DCLK3: variants seen among roughly 807,000 people sequenced by gnomAD.
The protein encoded by DCLK3 is serine/threonine-protein kinase DCLK3.
Under a neutral mutation model 46.4 loss-of-function variants are expected in DCLK3, and 30 were observed. That is an observed-to-expected ratio of 0.65 (90% CI 0.48 to 0.88). DCLK3 has a LOEUF of 0.88. DCLK3 is among the 40% of genes least tolerant of loss of function. The pLI is 0.00. For synonymous variants in DCLK3, 401 were observed against 339.2 expected (o/e 1.18, Z -2.00); for missense variants, 846 against 907.1 (o/e 0.93, Z 0.87).
At chr3:36,724,952 C>T (rs574343168) in intron 2 of DCLK3, among the ~76,000 whole-genome samples, 73 of 150,994 alleles carry the variant, frequency 4.8e-4, no homozygotes, top group African/African-American at 1.7e-3. Flanking sequence ...AACTCCAAGA[C>T]TTGAGGCTGG....
chr3:36,737,797 C>A lies in DCLK3; in HGVS notation c.1370G>T (p.Arg457Leu), dbSNP rs756312043. 1 of 1,614,116 alleles carries A rather than the reference C, an allele frequency of 6.2e-7. No individual in the cohort carries two copies. Among genetic ancestry groups the A allele is most frequent in the Admixed American group, 1.7e-5 (1 of 60,036 alleles). The change falls in exon 2 of 5, where the codon CGC (arginine) becomes CTC (leucine). Residue 457 changes from arginine (R) to leucine (L), a missense_variant. Arg to Leu is a moderately radical substitution (Grantham distance 102). This residue lies in a region of DCLK3 where 553 missense variants were observed against 543.0 expected (regional missense o/e 1.02). Coordinates refer to ENST00000636136, the MANE Select transcript of DCLK3 (RefSeq NM_001394672.2). The surrounding 1 kb of genome is among the most constrained non-coding windows in gnomAD (Gnocchi z 4.4). ...REHQAGFEKL[R>L]RTRGEEKEAE... ...CTCCTTCTCTTCTCCTCGGGTCCTG[C>A]GGAGCTTCTCAAAGCCCGCCTGGTG... is the stretch of plus-strand genomic sequence containing the variant.
In DCLK3 at chr3:36,738,333, G is replaced by A; in HGVS notation, c.834C>T (p.Pro278=). The part of the protein sequence containing the change: ...KWEPEPSSKP[P]REATLEERHA... ...GCCTCTCTTCCAGAGTGGCTTCCCT[G>A]GGGGGCTTGCTACTGGGTTCTGGCT... is the stretch of plus-strand genomic sequence containing the variant. Residue 278 remains proline, a synonymous_variant, in exon 2 of 5, where the codon CCC becomes CCT. Coordinates refer to ENST00000636136, the MANE Select transcript of DCLK3 (RefSeq NM_001394672.2). The A allele has an allele frequency of 6.6e-7, 1 of 1,506,690 alleles. No individual in the cohort carries two copies. The allele number at this position is 1,506,690 out of a possible 1,614,324, so 93.3% of individuals were successfully genotyped here. A position where few individuals can be genotyped will look rare whatever the true frequency, so the allele number is the denominator to read the frequency against.
chr3:36,713,245 G>C lies in DCLK3; in HGVS notation c.*2083C>G, dbSNP rs1398474030. The stretch of plus-strand genomic sequence containing the variant: ...GGAAGAAGACTGAATCTATACAAGA[G>C]ATCCAAAGGTATAGGAGAAAAAAAA... On this transcript the variant is annotated 3_prime_UTR_variant, in exon 5 of 5. Transcript: ENST00000636136. 1 of 152,060 alleles carries C rather than the reference G, an allele frequency of 6.6e-6. No individual in the cohort carries two copies. The highest frequency in any genetic ancestry group is 1.5e-5 in the Non-Finnish European group (1 of 68,016). The allele number at this position is 152,060 out of a possible 1,614,324, so 9.4% of individuals were successfully genotyped here. A position where few individuals can be genotyped will look rare whatever the true frequency, so the allele number is the denominator to read the frequency against.
chr3:36,737,283 C>T lies in DCLK3; in HGVS notation c.1884G>A (p.Met628Ile), dbSNP rs1479432181. Reference protein sequence around the residue: ...FPEPDAALMIMDLCKALVHMH... With the variant: ...FPEPDAALMIIDLCKALVHMH... ...TGTGGACGAGGGCTTTGCATAAGTC[C>T]ATGATCATGAGGGCAGCATCGGGCT... is the stretch of plus-strand genomic sequence containing the variant. Residue 628 changes from methionine to isoleucine, a missense_variant, in exon 2 of 5, where the codon ATG (methionine) becomes ATA (isoleucine). Met to Ile is a conservative substitution (Grantham distance 10). Transcript: ENST00000636136. The surrounding 1 kb of genome is among the most constrained non-coding windows in gnomAD (Gnocchi z 4.4). 1.2e-6 allele frequency: 2 copies of T among 1,614,052 alleles called. No homozygotes were observed. The highest frequency in any genetic ancestry group is 1.3e-5 in the African/African-American group (1 of 74,926).
At chr3:36,717,109 C>T (rs1700993829) in intron 4 of DCLK3, among the ~76,000 whole-genome samples, 2 of 152,132 alleles carry the variant, frequency 1.3e-5, no homozygotes, top group Admixed American at 6.5e-5. Flanking sequence ...GTTATCACTC[C>T]TATTCTACTT....
At position 36,751,063 on chromosome 3, in the gene DCLK3, T is replaced by TAAAAAAAAAAAAAAAA. The variant is rs5847933; in HGVS notation, c.83-11995_83-11980dup. ...TGATATCCCTGTAGACGGGATGATCTAAAAAAAAAAAAAAAAAAAAAAACT... is the reference window on the plus strand; with the variant it reads ...TGATATCCCTGTAGACGGGATGATCTAAAAAAAAAAAAAAAAAAAAAAAAAAAAAAAAAAAAAAACT... On this transcript the variant is annotated intron_variant, in intron 1 of 4. Transcript: ENST00000636136. Among the ~76,000 whole-genome samples, 136 of 76,484 alleles carry TAAAAAAAAAAAAAAAA rather than the reference T, an allele frequency of 1.8e-3. 40 individuals carry two copies. Among genetic ancestry groups the TAAAAAAAAAAAAAAAA allele is most frequent in the Non-Finnish European group, 2.5e-3 (112 of 44,170 alleles). The allele number at this position is 76,484 out of a possible 152,430, so 50.2% of individuals were successfully genotyped here.
At chr3:36,748,148 T>G (rs991222092) in intron 1 of DCLK3, among the ~76,000 whole-genome samples, 1 of 152,166 alleles carries the variant, frequency 6.6e-6, no homozygotes, top group African/African-American at 2.4e-5. Flanking sequence ...CAAGATCTGT[T>G]TATCTGTACA....
At chr3:36,721,304 T>C (rs372291007) in intron 3 of DCLK3, among the ~76,000 whole-genome samples, 4 of 140,210 alleles carry the variant, frequency 2.9e-5, no homozygotes, top group East Asian at 2.3e-4. Context: ...CACACACACA[T>C]GCACACACAC....
At chr3:36,743,273 C>CAAAAAA (rs11391557) in intron 1 of DCLK3, among the ~76,000 whole-genome samples, 1 of 117,906 alleles carries the variant, frequency 8.5e-6, no homozygotes, top group Non-Finnish European at 1.7e-5. Flanking sequence ...TCCCAAAATC[C>CAAAAAA]AAAAAAAAAA....
chr3:36,758,739 A>G (rs1008428194), intron 1 of DCLK3, among the ~76,000 whole-genome samples: 2 of 152,240 alleles, frequency 1.3e-5, no homozygotes, highest in Non-Finnish European at 2.9e-5. Flanking sequence ...GTTGGCATCA[A>G]GAAACATTAT....
At chr3:36,736,866 G>A (rs7644931) in intron 2 of DCLK3, among the ~76,000 whole-genome samples, 1,793 of 152,268 alleles carry the variant, frequency 0.012, 37 homozygotes, top group African/African-American at 0.04. Flanking sequence ...ACAAAGCCTC[G>A]AGGGGAAGCT....
rs963904703 is a variant in DCLK3, at chr3:36,737,196, G to C, written c.1959+12C>G. The C allele has an allele frequency of 3.7e-6, 6 of 1,609,692 alleles. No individual in the cohort carries two copies. The highest frequency in any genetic ancestry group is 5.1e-6 in the Non-Finnish European group (6 of 1,177,010). On this transcript the variant is annotated intron_variant, in intron 2 of 4. Transcript: ENST00000636136. The surrounding 1 kb of genome is among the most constrained non-coding windows in gnomAD (Gnocchi z 4.4). ...AACACCCTCTCCCATATCATCAAAA[G>C]TCAAGGCTTACCAAAAGGTTTTCCG... is the stretch of plus-strand genomic sequence containing the variant.
chr3:36,759,215 G>C (rs572052123), intron 1 of DCLK3, among the ~76,000 whole-genome samples: 14 of 152,344 alleles, frequency 9.2e-5, no homozygotes, highest in African/African-American at 2.9e-4. Context: ...TTCATAACAA[G>C]ACATATGTGG....
intron 1 of DCLK3, among the ~76,000 whole-genome samples, chr3:36,744,148 C>A: frequency 6.6e-6 from 1 of 152,128 alleles, no homozygotes; most frequent in East Asian, 1.9e-4. Flanking sequence ...TTATGCAAAC[C>A]CCCCAACTCT....
chr3:36,715,717 A>G (rs1407412774), intron 4 of DCLK3, among the ~76,000 whole-genome samples, 196 bp from the exon 5 acceptor site: 1 of 152,236 alleles, frequency 6.6e-6, no homozygotes, highest in African/African-American at 2.4e-5. Flanking sequence ...GCGATTATTG[A>G]GCATTTGAAA....
At chr3:36,722,085 A>T (rs1701068453) in intron 2 of DCLK3, among the ~76,000 whole-genome samples, 1 of 152,210 alleles carries the variant, frequency 6.6e-6, no homozygotes, top group African/African-American at 2.4e-5. Context: ...ACAAGGATCA[A>T]GGATACTTTG....
At chr3:36,756,792 G>A (rs1041104915) in intron 1 of DCLK3, among the ~76,000 whole-genome samples, 17 of 151,932 alleles carry the variant, frequency 1.1e-4, no homozygotes, top group Non-Finnish European at 1.9e-4. Context: ...TAGTCTGGGG[G>A]GATTCTGGGA....
chr3:36,718,640 A>G (rs1276075405), intron 3 of DCLK3, among the ~76,000 whole-genome samples: 1 of 152,226 alleles, frequency 6.6e-6, no homozygotes, highest in Non-Finnish European at 1.5e-5. Context: ...CTGTACTGGA[A>G]ACTTTAAAAC....
chr3:36,763,751 G>A (rs1004062576), intron 1 of DCLK3, among the ~76,000 whole-genome samples: 11 of 152,194 alleles, frequency 7.2e-5, no homozygotes, highest in African/African-American at 2.7e-4. Context: ...TTTGTGGAGA[G>A]GATGAAATAC....
Sources: gnomAD v4.1 joint callset for allele counts (sites outside exome capture counted in the v4.1 genomes callset) on GRCh38, gnomAD v4.1.1 for gene constraint, gnomAD v4.1.1 regional missense constraint, Gnocchi (gnomAD v3.1) non-coding constraint, MANE v1.5 for transcripts, NCBI Gene and HGNC (gene_info 2026-07-23, HGNC 2026-07-21) for gene names.